The following PANK2 variants were observed in gnomAD, a reference collection of about 807,000 sequenced individuals.
The protein encoded by PANK2 is pantothenate kinase 2, mitochondrial.
Under a neutral mutation model 43.1 loss-of-function variants are expected in PANK2, and 36 were observed. The ratio of observed to expected loss-of-function variants is 0.84; its 90% CI spans 0.64 to 1.10. The LOEUF is 1.10. Ranked by LOEUF, PANK2 falls within the 50% of genes least tolerant of loss-of-function variation. The pLI is 0.00. For synonymous variants in PANK2, 281 were observed against 238.2 expected (o/e 1.18, Z -1.66); for missense variants, 576 against 593.3 (o/e 0.97, Z 0.30).
At chr20:3,913,153 ACT>A (rs1568576220) in intron 4 of PANK2, among the ~76,000 whole-genome samples, 1 of 150,746 alleles carries the variant, frequency 6.6e-6, no homozygotes, top group East Asian at 2.0e-4. Context: ...ATTAGCTACG[ACT>A]CTCCATTCCC....
chr20:3,928,834 TG>T lies in PANK2; in HGVS notation c.*5541del, dbSNP rs1291535710. On this transcript the variant is annotated 3_prime_UTR_variant, in exon 7 of 7. Coordinates refer to ENST00000610179, the MANE Select transcript of PANK2 (RefSeq NM_001386393.1). ...AAAACAAGGCATAAAGGGAAAATTC[TG>T]TAGGAAGCATTTTCTTTTCTTGTGT... 2 of 150,458 alleles carry T rather than the reference TG, an allele frequency of 1.3e-5. No individual in the cohort carries two copies. The highest frequency in any genetic ancestry group is 3.9e-4 in the East Asian group (2 of 5,078). The allele number at this position is 150,458 out of a possible 1,614,324, so 9.3% of individuals were successfully genotyped here.
At chr20:3,912,155 G>T (rs2090477449) in intron 3 of PANK2, among the ~76,000 whole-genome samples, 2 of 152,146 alleles carry the variant, frequency 1.3e-5, no homozygotes, top group African/African-American at 4.8e-5. Flanking sequence ...AAGGGAGGAG[G>T]TGTTAGCATG....
At chr20:3,914,474 C>T (rs1397306633) in intron 4 of PANK2, among the ~76,000 whole-genome samples, 1 of 151,856 alleles carries the variant, frequency 6.6e-6, no homozygotes, top group Non-Finnish European at 1.5e-5. Context: ...CACTGCCTTG[C>T]CTAATTTTTT....
At chr20:3,918,948 T>C in intron 6 of PANK2, 152 bp downstream of exon 6, 1 of 1,318,128 alleles carries the variant, frequency 7.6e-7, no homozygotes, top group Non-Finnish European at 1.1e-6. Flanking sequence ...CTCTGTCACC[T>C]AGGTTGGAGT....
chr20:3,889,445 C>A lies in PANK2; in HGVS notation c.15C>A (p.Leu5=). The A allele has an allele frequency of 6.4e-7, 1 of 1,551,826 alleles. No individual in the cohort carries two copies. Among genetic ancestry groups the A allele is most frequent in the Non-Finnish European group, 8.7e-7 (1 of 1,155,238 alleles). Residue 5 remains leucine, a synonymous_variant, in exon 1 of 7, where the codon CTC becomes CTA. Transcript: ENST00000610179. ...GGAATCCGACGCTGGGGGGCTTGCTCGGGCGGCAGCGACTGCTGCTGCGGA... is the reference window on the plus strand; with the variant it reads ...GGAATCCGACGCTGGGGGGCTTGCTAGGGCGGCAGCGACTGCTGCTGCGGA...
Position 3,926,343 on chromosome 20 carries a change from G to A in PANK2, c.*3049G>A, listed in dbSNP as rs915012138. 6.6e-6 allele frequency: 1 copy of A among 152,318 alleles called. No individual in the cohort carries two copies. The highest frequency in any genetic ancestry group is 1.5e-5 in the Non-Finnish European group (1 of 68,172). 9.4% of individuals were successfully genotyped at this position (152,318 alleles called of 1,614,324 possible). A position where few individuals can be genotyped will look rare whatever the true frequency, so the allele number is the denominator to read the frequency against. ...TGACGGAGGAAGCTGCAAAGAAAACGACTGCTCAGGGAGAGGCTGGCCAGG... is the reference window on the plus strand; with the variant it reads ...TGACGGAGGAAGCTGCAAAGAAAACAACTGCTCAGGGAGAGGCTGGCCAGG... On this transcript the variant is annotated 3_prime_UTR_variant, in exon 7 of 7. Coordinates refer to ENST00000610179, the MANE Select transcript of PANK2 (RefSeq NM_001386393.1).
rs1183324353 is a variant in PANK2, at chr20:3,925,616, A to T, written c.*2322A>T. ...ATTTCACAGCCTCATCTCAGTTCTC[A>T]CTCAGCAGAGCCCTCTTGCCTGTCC... On this transcript the variant is annotated 3_prime_UTR_variant, in exon 7 of 7. Transcript: ENST00000610179. The T allele has an allele frequency of 6.6e-6, 1 of 151,758 alleles. No homozygotes were observed. Among genetic ancestry groups the T allele is most frequent in the Non-Finnish European group, 1.5e-5 (1 of 67,978 alleles). The allele number at this position is 151,758 out of a possible 1,614,324, so 9.4% of individuals were successfully genotyped here.
At position 3,924,222 on chromosome 20, in the gene PANK2, CT is replaced by C; in HGVS notation, c.*932del. On this transcript the variant is annotated 3_prime_UTR_variant, in exon 7 of 7. Transcript: ENST00000610179. Reference sequence around the variant, plus strand: ...CAGGTGCTCTTGGTAGGGGCTGAAGCTTTTCTTTCTGCTTTGCAGAATAATT... The same window carrying C: ...CAGGTGCTCTTGGTAGGGGCTGAAGCTTTCTTTCTGCTTTGCAGAATAATT... 1 of 152,358 alleles carries C rather than the reference CT, an allele frequency of 6.6e-6. No homozygotes were observed. The highest frequency in any genetic ancestry group is 1.5e-5 in the Non-Finnish European group (1 of 68,066). The allele number at this position is 152,358 out of a possible 1,614,324, so 9.4% of individuals were successfully genotyped here. A position where few individuals can be genotyped will look rare whatever the true frequency, so the allele number is the denominator to read the frequency against.
Position 3,907,099 on chromosome 20 carries a change from C to CTTTTTTTT in PANK2, c.299-812_299-805dup, listed in dbSNP as rs71195867. 7.4e-5 allele frequency among the ~76,000 whole-genome samples: 6 copies of CTTTTTTTT among 80,630 alleles called. 1 individual carries two copies. Among genetic ancestry groups the CTTTTTTTT allele is most frequent in the East Asian group, 3.7e-4 (1 of 2,722 alleles). 52.9% of individuals were successfully genotyped at this position (80,630 alleles called of 152,430 possible). On this transcript the variant is annotated intron_variant, in intron 1 of 6. Coordinates refer to ENST00000610179, the MANE Select transcript of PANK2 (RefSeq NM_001386393.1). ...CGTGAGCCACCGTGCCCAGCCCTGC[C>CTTTTTTTT]TTTTTTTTTTTTTTTTTTTTTTGAG...
chr20:3,918,793 C>T lies in PANK2; in HGVS notation c.1329C>T (p.His443=), dbSNP rs929679929. ...AGTTGAAAGCACTTTTTTCGGAACA[C>T]GAGGTAAGCTGACTTGTTCGTTGTG... The change falls in exon 6 of 7, where the codon CAC becomes CAT. Residue 443 remains histidine, a synonymous_variant. Transcript: ENST00000610179. 8 of 1,614,022 alleles carry T rather than the reference C, an allele frequency of 5.0e-6. No homozygotes were observed. Among genetic ancestry groups the T allele is most frequent in the East Asian group, 4.5e-5 (2 of 44,896 alleles).
intron 3 of PANK2, among the ~76,000 whole-genome samples, chr20:3,911,448 T>C (rs1466222196): frequency 6.7e-6 from 1 of 149,164 alleles, no homozygotes; most frequent in African/African-American, 2.5e-5. Context: ...CCGGGCGCAG[T>C]GGCAGGCGCC....
chr20:3,912,930 C>CAA (rs71331078), intron 4 of PANK2, among the ~76,000 whole-genome samples: 33,873 of 71,476 alleles, frequency 0.47, 9,437 homozygotes, highest in Non-Finnish European at 0.61. Flanking sequence ...GACTCTGTCT[C>CAA]AAAAAAAAAA....
At chr20:3,913,996 G>C (rs6107371) in intron 4 of PANK2, among the ~76,000 whole-genome samples, 19 of 151,276 alleles carry the variant, frequency 1.3e-4, no homozygotes, top group African/African-American at 3.9e-4. Flanking sequence ...TCACTATGTT[G>C]GCCAGGATGG....
upstream of PANK2, chr20:3,889,270 C>G (rs2090068546): frequency 6.2e-7 from 1 of 1,611,546 alleles, no homozygotes; most frequent in Non-Finnish European, 8.5e-7. Context: ...ACGGTCAATC[C>G]TCCTCGAGTT....
Position 3,912,646 on chromosome 20 carries a change from T to C in PANK2, c.1082+12T>C. Reference sequence around the variant, plus strand: ...GCTGTGGCTTCAAGGTAAGGGGGCATGTGTGTTCTAAGAAATACAGGCGGG... The same window carrying C: ...GCTGTGGCTTCAAGGTAAGGGGGCACGTGTGTTCTAAGAAATACAGGCGGG... On this transcript the variant is annotated intron_variant, in intron 4 of 6. Coordinates refer to ENST00000610179, the MANE Select transcript of PANK2 (RefSeq NM_001386393.1). The C allele has an allele frequency of 1.9e-6, 3 of 1,613,388 alleles. No homozygotes were observed. The highest frequency in any genetic ancestry group is 2.5e-6 in the Non-Finnish European group (3 of 1,179,592).
intron 6 of PANK2, among the ~76,000 whole-genome samples, chr20:3,920,591 A>C (rs572778771): frequency 7.2e-5 from 11 of 152,282 alleles, no homozygotes; most frequent in African/African-American, 2.6e-4. Context: ...TCACGCCTGT[A>C]ATCCCAGCAC....
At chr20:3,912,930 CA>C (rs71331078) in intron 4 of PANK2, among the ~76,000 whole-genome samples, 12,754 of 70,368 alleles carry the variant, frequency 0.18, 205 homozygotes, top group Middle Eastern at 0.27. Flanking sequence ...GACTCTGTCT[CA>C]AAAAAAAAAA....
chr20:3,914,576 G>A (rs1336930565), intron 4 of PANK2, among the ~76,000 whole-genome samples: 1 of 151,816 alleles, frequency 6.6e-6, no homozygotes, highest in African/African-American at 2.4e-5. Flanking sequence ...TGGGATTACA[G>A]GTGTGAGCCA....
intron 1 of PANK2, 152 bp from the exon 2 acceptor site, chr20:3,907,774 A>G: frequency 3.0e-6 from 2 of 675,594 alleles, no homozygotes; most frequent in Non-Finnish European, 5.0e-6. Flanking sequence ...CATCTAAATC[A>G]AGACAGAATC....
Sources: allele counts gnomAD v4.1 joint callset (sites outside exome capture counted in the v4.1 genomes callset), GRCh38; gene constraint gnomAD v4.1.1; transcripts MANE v1.5; gene names NCBI Gene and HGNC (gene_info 2026-07-23, HGNC 2026-07-21).